The following RLF variants were observed in gnomAD, a reference collection of about 807,000 sequenced individuals.
The protein encoded by RLF is zinc finger protein Rlf.
Under a neutral mutation model 162.9 loss-of-function variants are expected in RLF, and 7 were observed. The ratio of observed to expected loss-of-function variants is 0.04; its 90% CI spans 0.02 to 0.08. The LOEUF (loss-of-function observed/expected upper bound fraction) is 0.08. RLF is among the 10% of genes least tolerant of loss of function. RLF has a pLI of 1.00. For missense variants in RLF, 1,664 were observed against 2,244.7 expected (o/e 0.74, Z 5.23); for synonymous variants, 782 against 791.5 (o/e 0.99, Z 0.20).
intron 1 of RLF, among the ~76,000 whole-genome samples, chr1:40,168,267 G>A (rs1237142582): frequency 1.3e-5 from 2 of 152,132 alleles, no homozygotes; most frequent in East Asian, 1.9e-4. Flanking sequence ...GTTTGTTTTT[G>A]AGACAGAGTC....
chr1:40,194,094 T>C (rs955960146), intron 3 of RLF, among the ~76,000 whole-genome samples: 2 of 152,188 alleles, frequency 1.3e-5, no homozygotes, highest in African/African-American at 4.8e-5. Context: ...TGACTCCTTT[T>C]CCCTCACCCT....
chr1:40,189,821 G>A (rs935618473), intron 2 of RLF, among the ~76,000 whole-genome samples: 6 of 151,832 alleles, frequency 4.0e-5, no homozygotes, highest in Non-Finnish European at 5.9e-5. Context: ...AAAAAAGAAC[G>A]TGATTTAGCT....
chr1:40,221,331 A>C (rs1001174995), intron 5 of RLF, among the ~76,000 whole-genome samples: 1 of 151,868 alleles, frequency 6.6e-6, no homozygotes, highest in African/African-American at 2.4e-5. Flanking sequence ...GAAAAAAAAA[A>C]CAAGATAATA....
Sources: gnomAD v4.1 joint callset for allele counts (sites outside exome capture counted in the v4.1 genomes callset) on GRCh38, gnomAD v4.1.1 for gene constraint, MANE v1.5 for transcripts, NCBI Gene and HGNC (gene_info 2026-07-23, HGNC 2026-07-21) for gene names.